CDH23: variants seen among roughly 807,000 people sequenced by gnomAD.
The protein encoded by CDH23 is cadherin-23.
Under a neutral mutation model 317.1 loss-of-function variants are expected in CDH23, and 189 were observed. That is an observed-to-expected ratio of 0.60 (90% CI 0.53 to 0.67). The LOEUF (loss-of-function observed/expected upper bound fraction) is 0.67, where lower values mean the gene tolerates loss of function less well. Among genes scored for constraint, CDH23 ranks in the 30% least tolerant of loss-of-function variants. The probability of loss-of-function intolerance (pLI) is 0.00; values close to 1 mark genes in which losing one functional copy is unlikely to be tolerated. For synonymous variants in CDH23, 1,839 were observed against 1,876.8 expected (o/e 0.98, Z 0.52); for missense variants, 4,401 against 4,592.4 (o/e 0.96, Z 1.20).
chr10:71,578,496 G>C (rs10823790), intron 9 of CDH23, among the ~76,000 whole-genome samples: 2 of 151,850 alleles, frequency 1.3e-5, no homozygotes, highest in Non-Finnish European at 2.9e-5. Context: ...GGAATGTTGC[G>C]GGGGGGAACA....
intron 1 of CDH23, among the ~76,000 whole-genome samples, chr10:71,438,604 T>G (rs1849730407): frequency 3.9e-5 from 6 of 152,136 alleles, no homozygotes; most frequent in African/African-American, 1.2e-4. Flanking sequence ...CGCTCTCAGC[T>G]CTTTCTTAAT....
rs1014166567 is a variant in CDH23 at position 71,812,577 on chromosome 10, G to C, written c.9478G>C (p.Ala3160Pro). The change falls in exon 67 of 70, where the codon GCC (alanine) becomes CCC (proline). Residue 3160 changes from alanine (A) to proline (P), a missense_variant. By Grantham distance (27) the Ala-to-Pro change is conservative. This residue lies in a region of CDH23 where 1,144 missense variants were observed against 1,138.2 expected (regional missense o/e 1.01). Transcript: ENST00000224721. ...DDLPENLSEI[A>P]DLWNSPTRTH... ...CCTACCGGAGAACCTGAGTGAGATC[G>C]CCGACCTGTGGAACAGCCCCACGCG... 1.9e-6 allele frequency: 3 copies of C among 1,613,916 alleles called. No homozygotes were observed. Among genetic ancestry groups the C allele is most frequent in the Non-Finnish European group, 8.5e-7 (1 of 1,179,902 alleles).
chr10:71,435,441 G>C (rs562640949), intron 1 of CDH23, among the ~76,000 whole-genome samples: 1 of 152,188 alleles, frequency 6.6e-6, no homozygotes, highest in African/African-American at 2.4e-5. Flanking sequence ...CACTGTGCCT[G>C]GCACAAAGTT....
intron 6 of CDH23, among the ~76,000 whole-genome samples, chr10:71,527,156 C>T (rs1158730974): frequency 6.6e-6 from 1 of 152,140 alleles, no homozygotes; most frequent in African/African-American, 2.4e-5. Flanking sequence ...CCAGACACCT[C>T]TCTCAGTCTT....
rs373674747 is a variant in CDH23 at position 71,645,966 on chromosome 10, C to T, written c.1276C>T (p.Arg426Cys). Residue 426 changes from arginine to cysteine, a missense_variant, in exon 13 of 70, where the codon CGC (arginine) becomes TGC (cysteine). Physicochemically the swap from Arg to Cys is radical, Grantham distance 180. Around this residue, in one of 3 missense-constraint regions of CDH23, gnomAD observed 3,068 missense variants for 3,203.3 expected, o/e 0.96. Coordinates refer to ENST00000224721, the MANE Select transcript of CDH23 (RefSeq NM_022124.6). ...CCCACTGGACTACGAGACCGTGGACCGCTACGACTTTGATGTAAGGCCCCA... is the reference window on the plus strand; with the variant it reads ...CCCACTGGACTACGAGACCGTGGACTGCTACGACTTTGATGTAAGGCCCCA... ...AIPLDYETVD[R>C]YDFDLFANES... 22 of 1,612,188 alleles carry T rather than the reference C, an allele frequency of 1.4e-5. No homozygotes were observed. Among genetic ancestry groups the T allele is most frequent in the South Asian group, 3.3e-5 (3 of 90,812 alleles).
intron 1 of CDH23, among the ~76,000 whole-genome samples, chr10:71,417,139 G>A (rs1381387265): frequency 1.3e-5 from 2 of 149,360 alleles, no homozygotes; most frequent in Admixed American, 6.7e-5. Flanking sequence ...GCAGTGGCAC[G>A]ATCTCGGCTC....
At chr10:71,489,515 A>G (rs1163602013) in intron 3 of CDH23, among the ~76,000 whole-genome samples, 1 of 151,934 alleles carries the variant, frequency 6.6e-6, no homozygotes, top group African/African-American at 2.4e-5. Context: ...TATGCCTGAT[A>G]ATTGTAATAT....
chr10:71,787,378 T>A (rs1841134692), intron 44 of CDH23, among the ~76,000 whole-genome samples: 1 of 150,938 alleles, frequency 6.6e-6, no homozygotes, highest in African/African-American at 2.4e-5. Context: ...TCTTAACATG[T>A]CCATATTGTG....
chr10:71,510,997 AG>A lies in CDH23; in HGVS notation c.336+1del, dbSNP rs1853943430. 2 of 1,613,744 alleles carry A rather than the reference AG, an allele frequency of 1.2e-6. No homozygotes were observed. Among genetic ancestry groups the A allele is most frequent in the Non-Finnish European group, 1.7e-6 (2 of 1,179,806 alleles). On this transcript the variant is annotated frameshift_variant, in exon 5 of 70. Transcript: ENST00000224721. LOFTEE classifies it high-confidence loss of function. The part of the protein sequence containing the change: ...FTVEFSVSDH[Q>X]GVITRKVNIQ... ...GTGGAGTTCTCTGTCAGCGACCACC[AG>A]GGGGTGAGTGTTCCCTGGGGCCCTG...
At chr10:71,757,063 A>G (rs1298185536) in intron 38 of CDH23, among the ~76,000 whole-genome samples, 1 of 152,262 alleles carries the variant, frequency 6.6e-6, no homozygotes, top group Non-Finnish European at 1.5e-5. Flanking sequence ...GACGTGGAAT[A>G]TTGAAAGTAA....
intron 14 of CDH23, among the ~76,000 whole-genome samples, chr10:71,661,943 G>A (rs1371037555): frequency 2.8e-5 from 4 of 145,136 alleles, no homozygotes; most frequent in South Asian, 2.2e-4. Flanking sequence ...CACACCCTGC[G>A]CGCACACACA....
intron 17 of CDH23, among the ~76,000 whole-genome samples, chr10:71,681,530 C>T (rs1339835745): frequency 6.6e-6 from 1 of 152,198 alleles, no homozygotes; most frequent in African/African-American, 2.4e-5. Context: ...AAGGTAAGGT[C>T]TGCAGCACCT....
chr10:71,641,778 T>A (rs976360272), intron 11 of CDH23, among the ~76,000 whole-genome samples: 7 of 151,766 alleles, frequency 4.6e-5, no homozygotes, highest in Non-Finnish European at 8.8e-5. Context: ...TCCAAAAGAG[T>A]CCAAAAATAA....
At chr10:71,588,044 GA>G (rs1198391342) in intron 9 of CDH23, among the ~76,000 whole-genome samples, 11 of 152,308 alleles carry the variant, frequency 7.2e-5, no homozygotes, top group Admixed American at 6.5e-4. Flanking sequence ...GCTGGAGCAG[GA>G]AGGATGACAG....
intron 9 of CDH23, among the ~76,000 whole-genome samples, chr10:71,590,887 C>CAAAAAA (rs761301469): frequency 1.1e-4 from 10 of 92,726 alleles, no homozygotes; most frequent in South Asian, 3.2e-4. Context: ...AAAAAAAAAA[C>CAAAAAA]AAAAAAAAAC....
chr10:71,716,126 G>A, intron 28 of CDH23: 1 of 1,549,880 alleles, frequency 6.5e-7, no homozygotes, highest in Non-Finnish European at 8.7e-7. Context: ...GCACTCGTGA[G>A]CCCTGCGGCG....
At chr10:71,704,120 G>T (rs1045844316) in intron 24 of CDH23, among the ~76,000 whole-genome samples, 7 of 152,216 alleles carry the variant, frequency 4.6e-5, no homozygotes, top group African/African-American at 1.7e-4. Flanking sequence ...AAGCATTCAA[G>T]CTGAGTCCAG....
intron 6 of CDH23, among the ~76,000 whole-genome samples, chr10:71,534,291 A>G (rs1244784674): frequency 2.6e-5 from 4 of 151,582 alleles, no homozygotes; most frequent in Admixed American, 2.6e-4. Context: ...AGGCCCCTCA[A>G]CTCCACCACA....
chr10:71,429,270 T>C (rs1032451715), intron 1 of CDH23, among the ~76,000 whole-genome samples: 2 of 152,200 alleles, frequency 1.3e-5, no homozygotes, highest in Non-Finnish European at 2.9e-5. Flanking sequence ...TGACTGAGCT[T>C]GACTCTAGGC....
Sources: gnomAD v4.1 joint callset for allele counts (sites outside exome capture counted in the v4.1 genomes callset) on GRCh38, gnomAD v4.1.1 for gene constraint, gnomAD v4.1.1 regional missense constraint, MANE v1.5 for transcripts, NCBI Gene and HGNC (gene_info 2026-07-23, HGNC 2026-07-21) for gene names.